Variants in PRR16 observed in about 807,000 individuals in gnomAD.
PRR16 encodes the protein proline rich 16.
Under a neutral mutation model 18.2 loss-of-function variants are expected in PRR16, and 6 were observed. The observed-to-expected ratio is 0.33, with a 90% CI of 0.18 to 0.65. The LOEUF (loss-of-function observed/expected upper bound fraction) is 0.65. PRR16 is among the 30% of genes least tolerant of loss of function. The pLI, the probability that PRR16 is intolerant of heterozygous loss-of-function variation, is 0.74. For synonymous variants in PRR16, 151 were observed against 147.8 expected (o/e 1.02, Z -0.16); for missense variants, 412 against 376.6 (o/e 1.09, Z -0.78).
At chr5:120,591,008 G>A (rs1580761280) in intron 1 of PRR16, among the ~76,000 whole-genome samples, 2 of 152,076 alleles carry the variant, frequency 1.3e-5, no homozygotes, top group Admixed American at 6.6e-5. Flanking sequence ...GGCTGGGTGT[G>A]GTGTCTCACG....
intron 1 of PRR16, among the ~76,000 whole-genome samples, chr5:120,557,981 A>G (rs1752468804): frequency 6.6e-6 from 1 of 151,816 alleles, no homozygotes; most frequent in Admixed American, 6.6e-5. Context: ...GAAATTAAGC[A>G]TATTACCATC....
chr5:120,754,644 TTTATATA>T, the PRR16 span, among the ~76,000 whole-genome samples: 28 of 131,166 alleles, frequency 2.1e-4, 2 homozygotes, highest in African/African-American at 8.0e-4. Flanking sequence ...ATATAAAGTA[TTTATATA>T]TTATATATTA....
chr5:120,483,265 A>G (rs1286548887), intron 1 of PRR16, among the ~76,000 whole-genome samples: 3 of 152,188 alleles, frequency 2.0e-5, no homozygotes, highest in Non-Finnish European at 4.4e-5. Flanking sequence ...TTACCTGTGC[A>G]TACAGAACTG....
chr5:120,603,064 G>C (rs1187348942), intron 1 of PRR16, among the ~76,000 whole-genome samples: 3 of 152,004 alleles, frequency 2.0e-5, no homozygotes, highest in Non-Finnish European at 4.4e-5. Context: ...GTATCAGAAT[G>C]ATAATGGCTT....
intron 1 of PRR16, among the ~76,000 whole-genome samples, chr5:120,633,952 A>T (rs1823928): frequency 0.99 from 150,594 of 152,276 alleles, 74,482 homozygotes; most frequent in East Asian, 1. Context: ...TAACAAATAT[A>T]TACAGAACAT....
chr5:120,669,537 T>G (rs1273310554), intron 1 of PRR16, among the ~76,000 whole-genome samples: 1 of 152,092 alleles, frequency 6.6e-6, no homozygotes, highest in Non-Finnish European at 1.5e-5. Flanking sequence ...ATCCTCTAGT[T>G]TTTGGTTTTT....
intron 1 of PRR16, among the ~76,000 whole-genome samples, chr5:120,649,410 A>T (rs927775136): frequency 5.3e-5 from 8 of 152,172 alleles, no homozygotes; most frequent in Admixed American, 2.6e-4. Flanking sequence ...TACCCCAGAG[A>T]TGAATGAAAA....
intron 1 of PRR16, among the ~76,000 whole-genome samples, chr5:120,641,261 T>C (rs910266649): frequency 1.5e-5 from 2 of 134,826 alleles, no homozygotes; most frequent in African/African-American, 5.0e-5. Context: ...GTGAAAGGCC[T>C]GGGGGATCAA....
chr5:120,761,242 T>C, the PRR16 span, among the ~76,000 whole-genome samples: 3 of 152,136 alleles, frequency 2.0e-5, no homozygotes, highest in African/African-American at 7.2e-5. Context: ...AGTTTATTTT[T>C]TGAGGAAACT....
In PRR16 at chr5:120,686,589, G is replaced by A; in HGVS notation, c.795G>A (p.Gly265=). ...PHLPPFPLEN[G]GMGISHSNSF... is the part of the protein sequence containing the mutation. ...TCCCTCCTTTCCCACTAGAAAATGG[G>A]GGAATGGGAATAAGCCACAGTAACA... The change falls in exon 2 of 2, where the codon GGG becomes GGA. Residue 265 remains glycine (G), a synonymous_variant. Transcript: ENST00000407149. 6 of 1,613,678 alleles carry A rather than the reference G, an allele frequency of 3.7e-6. No individual in the cohort carries two copies. Among genetic ancestry groups the A allele is most frequent in the Non-Finnish European group, 5.1e-6 (6 of 1,179,872 alleles).
At chr5:120,779,485 G>C in the PRR16 span, among the ~76,000 whole-genome samples, 1 of 152,116 alleles carries the variant, frequency 6.6e-6, no homozygotes, top group Non-Finnish European at 1.5e-5. Context: ...AAACATCCTA[G>C]AGAAAACATC....
chr5:120,622,051 C>T (rs1754706970), intron 1 of PRR16, among the ~76,000 whole-genome samples: 1 of 152,154 alleles, frequency 6.6e-6, no homozygotes, highest in Non-Finnish European at 1.5e-5. Flanking sequence ...CCCACTCACA[C>T]ACTTAGTCTC....
the PRR16 span, among the ~76,000 whole-genome samples, chr5:120,695,762 T>C: frequency 6.6e-6 from 1 of 152,178 alleles, no homozygotes; most frequent in South Asian, 2.1e-4. Flanking sequence ...CTGCTCCAGC[T>C]GAGTAGTCTA....
chr5:120,696,609 T>C, the PRR16 span, among the ~76,000 whole-genome samples: 1 of 152,152 alleles, frequency 6.6e-6, no homozygotes, highest in Non-Finnish European at 1.5e-5. Context: ...TAAAATATAT[T>C]CCTATTTCTT....
chr5:120,565,159 C>CT (rs1752697139), intron 1 of PRR16, among the ~76,000 whole-genome samples: 2 of 151,666 alleles, frequency 1.3e-5, no homozygotes, highest in Admixed American at 6.6e-5. Context: ...CTTCTCAGGG[C>CT]TTTTTTTTAA....
At chr5:120,583,313 A>ATGTGTGTGTGTG (rs35255792) in intron 1 of PRR16, among the ~76,000 whole-genome samples, 1 of 149,014 alleles carries the variant, frequency 6.7e-6, no homozygotes, top group East Asian at 2.0e-4. Flanking sequence ...ATACAAAATA[A>ATGTGTGTGTGTG]TGTGTGTGTG....
intron 1 of PRR16, among the ~76,000 whole-genome samples, chr5:120,506,902 G>A (rs947323695): frequency 6.6e-6 from 1 of 152,046 alleles, no homozygotes; most frequent in Admixed American, 6.6e-5. Context: ...GAGCACAGTG[G>A]GGTCCCAAGA....
intron 1 of PRR16, among the ~76,000 whole-genome samples, chr5:120,466,582 TTAAG>T (rs1471993034): frequency 6.6e-6 from 1 of 152,162 alleles, no homozygotes; most frequent in African/African-American, 2.4e-5. Context: ...CATTTAGAGA[TTAAG>T]TAGTGAAATC....
At chr5:120,649,588 G>A (rs932488697) in intron 1 of PRR16, among the ~76,000 whole-genome samples, 1 of 152,142 alleles carries the variant, frequency 6.6e-6, no homozygotes, top group Non-Finnish European at 1.5e-5. Context: ...CCATTTGGAA[G>A]CTGGTTTAGA....
Sources: allele counts gnomAD v4.1 joint callset (sites outside exome capture counted in the v4.1 genomes callset), GRCh38; gene constraint gnomAD v4.1.1; transcripts MANE v1.5; gene names NCBI Gene and HGNC (gene_info 2026-07-23, HGNC 2026-07-21).